Variants in MAP2K5 observed in about 807,000 individuals in gnomAD.
MAP2K5 encodes dual specificity mitogen-activated protein kinase kinase 5.
Under a neutral mutation model 83.1 loss-of-function variants are expected in MAP2K5, and 49 were observed. That is an observed-to-expected ratio of 0.59 (90% CI 0.47 to 0.75). MAP2K5 has a LOEUF of 0.75. Ranked by LOEUF, MAP2K5 falls within the 30% of genes least tolerant of loss-of-function variation. MAP2K5 has a pLI of 0.00. For missense variants in MAP2K5, 457 were observed against 557.5 expected (o/e 0.82, Z 1.82); for synonymous variants, 202 against 191.8 (o/e 1.05, Z -0.44).
intron 4 of MAP2K5, among the ~76,000 whole-genome samples, chr15:67,582,466 A>G (rs114956229): frequency 0.017 from 2,548 of 152,226 alleles, 78 homozygotes; most frequent in African/African-American, 0.058. Context: ...AATTTCCATT[A>G]ATTTCTCTAT....
intron 13 of MAP2K5, among the ~76,000 whole-genome samples, chr15:67,687,081 T>A (rs1338516328): frequency 6.6e-6 from 1 of 152,224 alleles, no homozygotes; most frequent in Non-Finnish European, 1.5e-5. Flanking sequence ...CTCATCAAAC[T>A]ACATTCAAAA....
At chr15:67,610,215 A>G (rs754262480) in intron 8 of MAP2K5, among the ~76,000 whole-genome samples, 1 of 152,214 alleles carries the variant, frequency 6.6e-6, no homozygotes, top group South Asian at 2.1e-4. Context: ...TCAATGATGT[A>G]TCATCTCTAG....
chr15:67,790,867 C>A lies in MAP2K5; in HGVS notation c.1243-15779C>A, dbSNP rs2090504417. Among the ~76,000 whole-genome samples, 1 of 152,198 alleles carries A rather than the reference C, an allele frequency of 6.6e-6. No individual in the cohort carries two copies. ...GCCACTGATAGTTATGACTATGGAA[C>A]TGCCTCTGGGCTGGGAATTTCACAC... On this transcript the variant is annotated intron_variant, in intron 21 of 21. Transcript: ENST00000178640. The surrounding 1 kb of genome is among the most constrained non-coding windows in gnomAD (Gnocchi z 4.6).
chr15:67,625,821 A>C (rs1167429074), intron 8 of MAP2K5, among the ~76,000 whole-genome samples: 1 of 152,172 alleles, frequency 6.6e-6, no homozygotes, highest in Non-Finnish European at 1.5e-5. Context: ...ATCATAATTA[A>C]ATTATCAAGC....
intron 6 of MAP2K5, chr15:67,588,158 A>T (rs532654646): frequency 2.1e-6 from 2 of 942,924 alleles, no homozygotes; most frequent in Non-Finnish European, 2.5e-6. Context: ...CCCTTCACAT[A>T]TGGGTGCTCT....
At chr15:67,710,136 A>T (rs1015300123) in intron 16 of MAP2K5, among the ~76,000 whole-genome samples, 1 of 152,170 alleles carries the variant, frequency 6.6e-6, no homozygotes, top group Non-Finnish European at 1.5e-5. Context: ...AGCTAGGACT[A>T]CAGGTGCACC....
At chr15:67,712,218 G>A (rs1399762753) in intron 16 of MAP2K5, among the ~76,000 whole-genome samples, 2 of 152,208 alleles carry the variant, frequency 1.3e-5, no homozygotes, top group East Asian at 3.8e-4. Context: ...TACTTTTCAG[G>A]CAGGAGATAG....
intron 17 of MAP2K5, among the ~76,000 whole-genome samples, chr15:67,729,893 C>G (rs2089183307): frequency 6.6e-6 from 1 of 152,206 alleles, no homozygotes; most frequent in Non-Finnish European, 1.5e-5. Flanking sequence ...TATATCTTTA[C>G]TTGATCAGTC....
In MAP2K5 at chr15:67,708,781, C is replaced by T. The variant is rs1255644040; in HGVS notation, c.1044+5373C>T. ...CACTCTTTCATAAAAGATGATGCTA[C>T]ATGCTGCTAAAATGTGCCATTAAAA... On this transcript the variant is annotated intron_variant, in intron 16 of 21. Coordinates refer to ENST00000178640, the MANE Select transcript of MAP2K5 (RefSeq NM_145160.3). The surrounding 1 kb of genome is among the most constrained non-coding windows in gnomAD (Gnocchi z 4.9). Among the ~76,000 whole-genome samples, 1 of 152,086 alleles carries T rather than the reference C, an allele frequency of 6.6e-6. No individual in the cohort carries two copies. The highest frequency in any genetic ancestry group is 1.5e-5 in the Non-Finnish European group (1 of 68,032).
intron 1 of MAP2K5, among the ~76,000 whole-genome samples, chr15:67,547,726 G>A (rs1388693562): frequency 1.3e-5 from 2 of 152,016 alleles, no homozygotes; most frequent in Non-Finnish European, 2.9e-5. Flanking sequence ...CAAAGTGCTG[G>A]GATTATAGGT....
chr15:67,686,932 T>C (rs983234755), intron 13 of MAP2K5, among the ~76,000 whole-genome samples: 3 of 152,172 alleles, frequency 2.0e-5, no homozygotes, highest in African/African-American at 7.2e-5. Flanking sequence ...CCAGGTGGAA[T>C]GCAAAGATTG....
chr15:67,754,008 C>T (rs866448994), intron 19 of MAP2K5, among the ~76,000 whole-genome samples: 51 of 152,164 alleles, frequency 3.4e-4, no homozygotes, highest in African/African-American at 1.1e-3. Context: ...TGCTGCAGTA[C>T]GGATGTACCT....
intron 2 of MAP2K5, among the ~76,000 whole-genome samples, chr15:67,558,435 T>G (rs536966975): frequency 6.6e-6 from 1 of 152,170 alleles, no homozygotes; most frequent in African/African-American, 2.4e-5. Flanking sequence ...TCCAAACTGG[T>G]CTCCCTGTTC....
chr15:67,624,390 G>C (rs2141073381), intron 8 of MAP2K5, among the ~76,000 whole-genome samples: 1 of 150,466 alleles, frequency 6.6e-6, no homozygotes, highest in African/African-American at 2.4e-5. Flanking sequence ...TGAGCTGGCA[G>C]TGACTTCAGA....
chr15:67,774,471 A>G lies in MAP2K5; in HGVS notation c.1242+1719A>G, dbSNP rs1015730494. ...GAGGAGGCAGGGAACAATAGACTAT[A>G]TGTGAAGCTGCTGTGGTCAGAGAGT... On this transcript the variant is annotated intron_variant, in intron 21 of 21. Transcript: ENST00000178640. This position sits in a 1 kb window ranked among gnomAD's most constrained non-coding sequence, Gnocchi z 4.9. 6.6e-6 allele frequency among the ~76,000 whole-genome samples: 1 copy of G among 151,990 alleles called. No homozygotes were observed. The highest frequency in any genetic ancestry group is 2.1e-4 in the South Asian group (1 of 4,822).
At position 67,639,813 on chromosome 15, in the gene MAP2K5, G is replaced by T. The variant is rs182429542; in HGVS notation, c.586-6418G>T. Among the ~76,000 whole-genome samples the T allele has an allele frequency of 5.2e-4, 79 of 152,274 alleles. 2 individuals carry two copies. The highest frequency in any genetic ancestry group is 1.9e-3 in the African/African-American group (78 of 41,540). ...AGGCACTTTCTCACTTCAACACTTTGATTCACGTATTCCTCTCTAATTAGA... is the reference window on the plus strand; with the variant it reads ...AGGCACTTTCTCACTTCAACACTTTTATTCACGTATTCCTCTCTAATTAGA... On this transcript the variant is annotated intron_variant, in intron 9 of 21. Transcript: ENST00000178640.
chr15:67,618,247 G>C (rs1163546560), intron 8 of MAP2K5, among the ~76,000 whole-genome samples: 1 of 152,108 alleles, frequency 6.6e-6, no homozygotes, highest in African/African-American at 2.4e-5. Context: ...CTTGGCAGTG[G>C]GGGAGATATA....
At position 67,768,929 on chromosome 15, in the gene MAP2K5, C is replaced by T. The variant is rs2090093072; in HGVS notation, c.1135-673C>T. On this transcript the variant is annotated intron_variant, in intron 19 of 21. Transcript: ENST00000178640. The surrounding 1 kb of genome is among the most constrained non-coding windows in gnomAD (Gnocchi z 4.0). ...TGGTTGTTTGTTGCTGTGTAGTTTT[C>T]TGCTTTTTTGACTGACTCCCACCTC... is the stretch of plus-strand genomic sequence containing the variant. 6.6e-6 allele frequency among the ~76,000 whole-genome samples: 1 copy of T among 152,156 alleles called. No individual in the cohort carries two copies. The highest frequency in any genetic ancestry group is 1.5e-5 in the Non-Finnish European group (1 of 68,016).
chr15:67,575,896 T>TTTTCTTTCTTTCTTTC (rs1437089250), intron 3 of MAP2K5, among the ~76,000 whole-genome samples: 31 of 68,378 alleles, frequency 4.5e-4, no homozygotes, highest in Admixed American at 6.3e-4. Context: ...TCTCTTCTTT[T>TTTTCTTTCTTTCTTTC]TTTCTTTCTT....
Sources: allele counts gnomAD v4.1 joint callset (sites outside exome capture counted in the v4.1 genomes callset), GRCh38; gene constraint gnomAD v4.1.1; non-coding constraint Gnocchi (gnomAD v3.1); transcripts MANE v1.5; gene names NCBI Gene and HGNC (gene_info 2026-07-23, HGNC 2026-07-21).